Variants in LRGUK observed in about 807,000 individuals in gnomAD.
LRGUK encodes leucine rich repeats and guanylate kinase domain containing.
LRGUK carries 65 observed loss-of-function variants against 76.0 expected under a neutral mutation model. The ratio of observed to expected loss-of-function variants is 0.85; its 90% CI spans 0.70 to 1.05. LRGUK has a LOEUF of 1.05. LRGUK is among the 50% of genes least tolerant of loss of function. The pLI is 0.00. For missense variants in LRGUK, 758 were observed against 732.8 expected (o/e 1.03, Z -0.40); for synonymous variants, 268 against 265.6 (o/e 1.01, Z -0.09).
intron 11 of LRGUK, among the ~76,000 whole-genome samples, chr7:134,187,852 T>A (rs1800039246): frequency 1.3e-5 from 2 of 152,216 alleles, no homozygotes; most frequent in Non-Finnish European, 2.9e-5. Context: ...CTTTCTTAGA[T>A]CTCTATTTTA....
intron 18 of LRGUK, among the ~76,000 whole-genome samples, chr7:134,250,166 C>T (rs1228508353): frequency 1.3e-5 from 2 of 152,144 alleles, no homozygotes; most frequent in African/African-American, 4.8e-5. Context: ...AAAATGTGAA[C>T]AGTGGCTATT....
At chr7:134,271,663 CTTTTTTTA>C in the LRGUK span, among the ~76,000 whole-genome samples, 3 of 151,960 alleles carry the variant, frequency 2.0e-5, no homozygotes, top group African/African-American at 7.2e-5. Flanking sequence ...GGAGGTTTCT[CTTTTTTTA>C]TGATACTTGC....
At chr7:134,197,931 A>C (rs1800575657) in intron 13 of LRGUK, among the ~76,000 whole-genome samples, 1 of 152,252 alleles carries the variant, frequency 6.6e-6, no homozygotes. Flanking sequence ...AAGCAATTAT[A>C]AAACTAATTC....
At chr7:134,169,783 T>C (rs908416104) in intron 7 of LRGUK, among the ~76,000 whole-genome samples, 1 of 152,150 alleles carries the variant, frequency 6.6e-6, no homozygotes, top group Non-Finnish European at 1.5e-5. Context: ...ATTGAGACAT[T>C]TACTTATTGA....
downstream of LRGUK, among the ~76,000 whole-genome samples, chr7:134,266,731 A>T (rs564170140): frequency 1.2e-4 from 19 of 152,128 alleles, no homozygotes; most frequent in Non-Finnish European, 2.5e-4. Flanking sequence ...ACTGAAAAAT[A>T]TTTTTTTTAA....
At chr7:134,201,965 C>T (rs1235713558) in intron 15 of LRGUK, among the ~76,000 whole-genome samples, 1 of 152,090 alleles carries the variant, frequency 6.6e-6, no homozygotes, top group African/African-American at 2.4e-5. Context: ...CTTTTCTTTG[C>T]GTTACCCGAG....
intron 17 of LRGUK, 94 bp from the exon 18 acceptor site, chr7:134,248,857 C>T (rs925176796): frequency 1.3e-5 from 13 of 1,008,738 alleles, no homozygotes; most frequent in African/African-American, 1.2e-4. Flanking sequence ...TTGGCATTTG[C>T]GTTTATCTGG....
At chr7:134,230,896 A>G (rs764416929) in intron 16 of LRGUK, among the ~76,000 whole-genome samples, 13 of 152,170 alleles carry the variant, frequency 8.5e-5, no homozygotes, top group South Asian at 2.1e-4. Flanking sequence ...AATGGTGGTA[A>G]TAGTTGAAAA....
At chr7:134,156,837 G>A (rs1236883317) in intron 5 of LRGUK, among the ~76,000 whole-genome samples, 1 of 152,200 alleles carries the variant, frequency 6.6e-6, no homozygotes, top group Non-Finnish European at 1.5e-5. Flanking sequence ...TAAGTTGGCA[G>A]AGGAATGAAT....
intron 1 of LRGUK, among the ~76,000 whole-genome samples, chr7:134,129,557 C>T (rs552278453): frequency 6.7e-6 from 1 of 149,064 alleles, no homozygotes; most frequent in East Asian, 2.0e-4. Flanking sequence ...ACTGCAGTCT[C>T]GACCTCCTAG....
intron 15 of LRGUK, among the ~76,000 whole-genome samples, chr7:134,204,916 C>A (rs1014879279): frequency 3.3e-5 from 5 of 152,122 alleles, no homozygotes; most frequent in African/African-American, 1.2e-4. Context: ...TTGGTTCCTG[C>A]CAGTGGGTTC....
chr7:134,252,473 C>T (rs1394157720), intron 18 of LRGUK, among the ~76,000 whole-genome samples: 1 of 152,106 alleles, frequency 6.6e-6, no homozygotes, highest in East Asian at 1.9e-4. Context: ...GTAAGATGGA[C>T]CTCCTCCTTG....
At chr7:134,198,555 C>G (rs1214202620) in intron 13 of LRGUK, among the ~76,000 whole-genome samples, 1 of 152,178 alleles carries the variant, frequency 6.6e-6, no homozygotes, top group Non-Finnish European at 1.5e-5. Flanking sequence ...ACTTTAGAGT[C>G]CATTTGGAAT....
chr7:134,148,465 G>A, intron 5 of LRGUK, 146 bp downstream of exon 5: 3 of 587,700 alleles, frequency 5.1e-6, no homozygotes, highest in South Asian at 2.1e-5. Context: ...ACTAGGAATT[G>A]GTATTCACAA....
chr7:134,132,909 A>G (rs74828035), intron 1 of LRGUK, among the ~76,000 whole-genome samples: 20,593 of 152,180 alleles, frequency 0.14, 1,716 homozygotes, highest in East Asian at 0.33. Flanking sequence ...TTAGTGGAGA[A>G]GACGGCAAAG....
chr7:134,210,509 G>A (rs1454685975), downstream of LRGUK, among the ~76,000 whole-genome samples: 2 of 152,114 alleles, frequency 1.3e-5, no homozygotes, highest in African/African-American at 4.8e-5. Flanking sequence ...GTTATCTCAA[G>A]AAAATAAAAC....
chr7:134,136,947 G>A (rs1336477031), intron 1 of LRGUK, 76 bp from the exon 2 acceptor site: 36 of 1,218,018 alleles, frequency 3.0e-5, no homozygotes, highest in Non-Finnish European at 4.3e-5. Context: ...CTAAATAAGT[G>A]CTGGATATGA....
chr7:134,165,508 C>G lies in LRGUK; in HGVS notation c.939+1968C>G, dbSNP rs55723697. ...GAAACATCACGTGAGCCACAGATGT[C>G]ATGTAAAATTCTCCAGTAGCCACAG... On this transcript the variant is annotated intron_variant, in intron 7 of 15. Transcript: ENST00000645682. Among the ~76,000 whole-genome samples the G allele has an allele frequency of 2.8e-3, 433 of 152,276 alleles. 3 individuals are homozygous for G. Among genetic ancestry groups the G allele is most frequent in the Admixed American group, 5.0e-3 (76 of 15,294 alleles).
intron 12 of LRGUK, among the ~76,000 whole-genome samples, chr7:134,194,908 A>G (rs1800416551): frequency 6.6e-6 from 1 of 152,212 alleles, no homozygotes; most frequent in Admixed American, 6.5e-5. Flanking sequence ...TAGAGAAAGA[A>G]TAATTCACAC....
Sources: allele counts gnomAD v4.1 joint callset (sites outside exome capture counted in the v4.1 genomes callset), GRCh38; gene constraint gnomAD v4.1.1; transcripts MANE v1.5; gene names NCBI Gene and HGNC (gene_info 2026-07-23, HGNC 2026-07-21).